SEC61A2: variants seen among roughly 807,000 people sequenced by gnomAD.
The protein encoded by SEC61A2 is protein transport protein Sec61 subunit alpha isoform 2.
In SEC61A2, 28 loss-of-function variants were observed where a neutral mutation model predicts 59.9. That is an observed-to-expected ratio of 0.47 (90% CI 0.35 to 0.64). The LOEUF (loss-of-function observed/expected upper bound fraction) is 0.64, where lower values mean the gene tolerates loss of function less well. Among genes scored for constraint, SEC61A2 ranks in the 30% least tolerant of loss-of-function variants. The probability of loss-of-function intolerance (pLI) is 0.01; values close to 1 mark genes in which losing one functional copy is unlikely to be tolerated. For missense variants in SEC61A2, 340 were observed against 585.9 expected (o/e 0.58, Z 4.33); for synonymous variants, 202 against 214.4 (o/e 0.94, Z 0.50).
rs912429712 is a variant in SEC61A2 at position 12,143,524 on chromosome 10, C to A, written c.220+329C>A. 1.3e-5 allele frequency among the ~76,000 whole-genome samples: 2 copies of A among 152,086 alleles called. No individual in the cohort carries two copies. Among genetic ancestry groups the A allele is most frequent in the Non-Finnish European group, 2.9e-5 (2 of 68,016 alleles). On this transcript the variant is annotated intron_variant, in intron 4 of 11. Transcript: ENST00000298428. The surrounding 1 kb of genome is among the most constrained non-coding windows in gnomAD (Gnocchi z 4.8). ...CCAAGGTGGGCAGATCACCTGAGGT[C>A]AGGAGTTTGAGACCAGCCTGGCCAA...
intron 3 of SEC61A2, among the ~76,000 whole-genome samples, chr10:12,141,636 A>G (rs1409659720): frequency 6.6e-6 from 1 of 152,224 alleles, no homozygotes; most frequent in Non-Finnish European, 1.5e-5. Flanking sequence ...TAGGATTTAA[A>G]AAGATATCTC....
Position 12,162,879 on chromosome 10 carries a change from C to A in SEC61A2, c.1244+590C>A, listed in dbSNP as rs1168739202. 6.6e-6 allele frequency among the ~76,000 whole-genome samples: 1 copy of A among 152,182 alleles called. No individual in the cohort carries two copies. Among genetic ancestry groups the A allele is most frequent in the East Asian group, 1.9e-4 (1 of 5,198 alleles). The stretch of plus-strand genomic sequence containing the variant: ...TCTGTACATTTCATATAAATGGAAT[C>A]ATATAATGTATGTTATTTTGTAAGT... On this transcript the variant is annotated intron_variant, in intron 11 of 11. Transcript: ENST00000298428. The surrounding 1 kb of genome is among the most constrained non-coding windows in gnomAD (Gnocchi z 6.1).
chr10:12,158,224 CTA>C lies in SEC61A2; in HGVS notation c.975+124_975+125del. ...TTGCTGTATTTTCAGATTCACTTACCTATATAGCAGAGTTTAGTACTTATCTG... is the reference window on the plus strand; with the variant it reads ...TTGCTGTATTTTCAGATTCACTTACCTATAGCAGAGTTTAGTACTTATCTG... On this transcript the variant is annotated intron_variant, in intron 9 of 11. Coordinates refer to ENST00000298428, the MANE Select transcript of SEC61A2 (RefSeq NM_018144.4). This position sits in a 1 kb window ranked among gnomAD's most constrained non-coding sequence, Gnocchi z 5.7. The C allele has an allele frequency of 5.0e-6, 4 of 805,574 alleles. No individual in the cohort carries two copies. Among genetic ancestry groups the C allele is most frequent in the Non-Finnish European group, 7.9e-6 (4 of 505,778 alleles). The allele number at this position is 805,574 out of a possible 1,614,324, so 49.9% of individuals were successfully genotyped here. A position where few individuals can be genotyped will look rare whatever the true frequency, so the allele number is the denominator to read the frequency against.
Position 12,142,563 on chromosome 10 carries a change from C to T in SEC61A2, c.142-554C>T. The T allele has an allele frequency of 1.0e-6, 1 of 963,210 alleles. No individual in the cohort carries two copies. The highest frequency in any genetic ancestry group is 1.2e-6 in the Non-Finnish European group (1 of 809,754). The allele number at this position is 963,210 out of a possible 1,614,324, so 59.7% of individuals were successfully genotyped here. Reference sequence around the variant, plus strand: ...TTTGCAAAATCATTCTACGACCAGGCAGGTATAATATTCCATAATCTACTG... The same window carrying T: ...TTTGCAAAATCATTCTACGACCAGGTAGGTATAATATTCCATAATCTACTG... On this transcript the variant is annotated intron_variant, in intron 3 of 11. Transcript: ENST00000298428. This position sits in a 1 kb window ranked among gnomAD's most constrained non-coding sequence, Gnocchi z 5.4.
Position 12,142,498 on chromosome 10 carries a change from A to G in SEC61A2, c.142-619A>G, listed in dbSNP as rs1834042585. 6 of 981,150 alleles carry G rather than the reference A, an allele frequency of 6.1e-6. No homozygotes were observed. The highest frequency in any genetic ancestry group is 6.1e-6 in the Non-Finnish European group (5 of 826,094). 60.8% of individuals were successfully genotyped at this position (981,150 alleles called of 1,614,324 possible). A position where few individuals can be genotyped will look rare whatever the true frequency, so the allele number is the denominator to read the frequency against. On this transcript the variant is annotated intron_variant, in intron 3 of 11. Transcript: ENST00000298428. The surrounding 1 kb of genome is among the most constrained non-coding windows in gnomAD (Gnocchi z 5.4). ...TTGTGGATATCATCTTCAGTCTTACATTGAGAAGAGTGACCTTGGCTGTCT... is the reference window on the plus strand; with the variant it reads ...TTGTGGATATCATCTTCAGTCTTACGTTGAGAAGAGTGACCTTGGCTGTCT...
In SEC61A2 at chr10:12,158,981, CTTT is replaced by C. The variant is rs1159151464; in HGVS notation, c.975+888_975+890del. Among the ~76,000 whole-genome samples the C allele has an allele frequency of 3.6e-5, 5 of 140,164 alleles. No individual in the cohort carries two copies. The highest frequency in any genetic ancestry group is 4.1e-4 in the East Asian group (2 of 4,856). 92.0% of individuals were successfully genotyped at this position (140,164 alleles called of 152,430 possible). ...ACATCCCCCATCATAATTTTTTTTT[CTTT>C]TTTTTTTTTTTGAGACGGAGTCTCG... On this transcript the variant is annotated intron_variant, in intron 9 of 11. Coordinates refer to ENST00000298428, the MANE Select transcript of SEC61A2 (RefSeq NM_018144.4). This position sits in a 1 kb window ranked among gnomAD's most constrained non-coding sequence, Gnocchi z 5.7.
rs766666050 is a variant in SEC61A2, at chr10:12,155,936, A to G, written c.616+5A>G. The G allele has an allele frequency of 1.9e-6, 3 of 1,614,074 alleles. No homozygotes were observed. The highest frequency in any genetic ancestry group is 1.6e-4 in the Middle Eastern group (1 of 6,080). Reference sequence around the variant, plus strand: ...CTACCATTAACACTGGCAGAGGTACATCGCACAGCGACTGCAACTGCACGC... The same window carrying G: ...CTACCATTAACACTGGCAGAGGTACGTCGCACAGCGACTGCAACTGCACGC... On this transcript the variant is annotated splice_donor_5th_base_variant and intron_variant, in intron 7 of 11. Coordinates refer to ENST00000298428, the MANE Select transcript of SEC61A2 (RefSeq NM_018144.4). This position sits in a 1 kb window ranked among gnomAD's most constrained non-coding sequence, Gnocchi z 4.3.
rs974506185 is a variant in SEC61A2, at chr10:12,149,049, G to T, written c.221-546G>T. 6.6e-6 allele frequency among the ~76,000 whole-genome samples: 1 copy of T among 151,984 alleles called. No individual in the cohort carries two copies. The highest frequency in any genetic ancestry group is 2.4e-5 in the African/African-American group (1 of 41,382). On this transcript the variant is annotated intron_variant, in intron 4 of 11. Coordinates refer to ENST00000298428, the MANE Select transcript of SEC61A2 (RefSeq NM_018144.4). This position sits in a 1 kb window ranked among gnomAD's most constrained non-coding sequence, Gnocchi z 5.2. ...CTTGATTCCATACCTTCCTTATACA[G>T]TTGGCATATTTGATTTTCTTATTTC...
In SEC61A2 at chr10:12,162,248, G is replaced by A; in HGVS notation, c.1203G>A (p.Met401Ile). Residue 401 changes from methionine (M) to isoleucine (I), a missense_variant, in exon 11 of 12, where the codon ATG becomes ATA. By Grantham distance (10) the Met-to-Ile change is conservative. Coordinates refer to ENST00000298428, the MANE Select transcript of SEC61A2 (RefSeq NM_018144.4). The surrounding 1 kb of genome is among the most constrained non-coding windows in gnomAD (Gnocchi z 6.1). ...AKQLKEQQMV[M>I]RGHRDTSMVH... is the part of the protein sequence containing the mutation. ...AGCTGAAAGAACAGCAGATGGTAATGAGGGGCCACCGAGATACCTCTATGG... is the reference window on the plus strand; with the variant it reads ...AGCTGAAAGAACAGCAGATGGTAATAAGGGGCCACCGAGATACCTCTATGG... 1 of 1,612,990 alleles carries A rather than the reference G, an allele frequency of 6.2e-7. No homozygotes were observed. The highest frequency in any genetic ancestry group is 1.3e-5 in the African/African-American group (1 of 74,660).
At chr10:12,132,800 A>G (rs970509164) in intron 1 of SEC61A2, among the ~76,000 whole-genome samples, 1 of 152,082 alleles carries the variant, frequency 6.6e-6, no homozygotes, top group Non-Finnish European at 1.5e-5. Flanking sequence ...TCTGTCATGC[A>G]TTGTCTCACG....
Position 12,156,413 on chromosome 10 carries a change from AACAGAT to A in SEC61A2, c.616+485_617-486del, listed in dbSNP as rs2131675951. ...TTTCCCCTTCCTCATCTCCACTTCT[AACAGAT>A]ACTGTCCTAAGTGGTTAATACCTAA... On this transcript the variant is annotated intron_variant, in intron 7 of 11. Coordinates refer to ENST00000298428, the MANE Select transcript of SEC61A2 (RefSeq NM_018144.4). This position sits in a 1 kb window ranked among gnomAD's most constrained non-coding sequence, Gnocchi z 5.2. Among the ~76,000 whole-genome samples the A allele has an allele frequency of 6.6e-6, 1 of 152,272 alleles. No homozygotes were observed. Among genetic ancestry groups the A allele is most frequent in the South Asian group, 2.1e-4 (1 of 4,816 alleles).
At chr10:12,134,495 T>C (rs1005451827) in intron 2 of SEC61A2, among the ~76,000 whole-genome samples, 1 of 152,216 alleles carries the variant, frequency 6.6e-6, no homozygotes, top group Non-Finnish European at 1.5e-5. Context: ...TTGGCTCCTT[T>C]TCAGTTTCAT....
intron 3 of SEC61A2, among the ~76,000 whole-genome samples, chr10:12,141,479 T>C (rs569801520): frequency 2.6e-5 from 4 of 152,324 alleles, no homozygotes; most frequent in African/African-American, 9.6e-5. Flanking sequence ...ATGGGTTATA[T>C]AATAGGAAGC....
chr10:12,142,512 C>T lies in SEC61A2; in HGVS notation c.142-605C>T. On this transcript the variant is annotated intron_variant, in intron 3 of 11. Transcript: ENST00000298428. The surrounding 1 kb of genome is among the most constrained non-coding windows in gnomAD (Gnocchi z 5.4). Reference sequence around the variant, plus strand: ...TTCAGTCTTACATTGAGAAGAGTGACCTTGGCTGTCTTTAGTATATAGAGC... The same window carrying T: ...TTCAGTCTTACATTGAGAAGAGTGATCTTGGCTGTCTTTAGTATATAGAGC... The T allele has an allele frequency of 1.0e-6, 1 of 983,288 alleles. No homozygotes were observed. Among genetic ancestry groups the T allele is most frequent in the Non-Finnish European group, 1.2e-6 (1 of 828,014 alleles). 60.9% of individuals were successfully genotyped at this position (983,288 alleles called of 1,614,324 possible).
intron 1 of SEC61A2, among the ~76,000 whole-genome samples, chr10:12,131,681 CCTTTTTTTTTT>C (rs1833740844): frequency 1.4e-5 from 1 of 70,748 alleles, no homozygotes; most frequent in African/African-American, 4.0e-5. Context: ...AGATTACATA[CCTTTTTTTTTT>C]TTTTTTTTTT....
Position 12,161,109 on chromosome 10 carries a change from C to T in SEC61A2, c.1155C>T (p.Ser385=). 2.5e-6 allele frequency: 4 copies of T among 1,607,612 alleles called. No individual in the cohort carries two copies. Among genetic ancestry groups the T allele is most frequent in the Non-Finnish European group, 3.4e-6 (4 of 1,177,140 alleles). The change falls in exon 10 of 12, where the codon TCC becomes TCT. Residue 385 remains serine (S), a synonymous_variant. Transcript: ENST00000298428. The surrounding 1 kb of genome is among the most constrained non-coding windows in gnomAD (Gnocchi z 5.4). ...FSKTWIEVSG[S]SAKDVAKQLK... is the part of the protein sequence containing the mutation. ...AGACATGGATTGAAGTGTCTGGTTC[C>T]TCAGCCAAAGATGTAAGTGTTTGGT...
In SEC61A2 at chr10:12,164,207, C is replaced by T; in HGVS notation, c.1245-61C>T. The T allele has an allele frequency of 1.3e-6, 2 of 1,587,148 alleles. No individual in the cohort carries two copies. Among genetic ancestry groups the T allele is most frequent in the East Asian group, 2.3e-5 (1 of 44,280 alleles). On this transcript the variant is annotated intron_variant, in intron 11 of 11. Coordinates refer to ENST00000298428, the MANE Select transcript of SEC61A2 (RefSeq NM_018144.4). This position sits in a 1 kb window ranked among gnomAD's most constrained non-coding sequence, Gnocchi z 7.3. ...CTGCTGCGCCTCGACCTGTCTTCGT[C>T]TCTAGCTGCCGTGCTGTTCCTGGTC...
In SEC61A2 at chr10:12,153,586, T is replaced by TG. The variant is rs1834329963; in HGVS notation, c.463-2191dup. 6.6e-6 allele frequency among the ~76,000 whole-genome samples: 1 copy of TG among 152,222 alleles called. No homozygotes were observed. Among genetic ancestry groups the TG allele is most frequent in the Non-Finnish European group, 1.5e-5 (1 of 68,038 alleles). Reference sequence around the variant, plus strand: ...ATCAGAAATACTTACAGTCCAAGAATGAAACAAGTGAAGTGGATGTACACT... The same window carrying TG: ...ATCAGAAATACTTACAGTCCAAGAATGGAAACAAGTGAAGTGGATGTACACT... On this transcript the variant is annotated intron_variant, in intron 6 of 11. Transcript: ENST00000298428. The surrounding 1 kb of genome is among the most constrained non-coding windows in gnomAD (Gnocchi z 5.2).
downstream of SEC61A2, chr10:12,166,382 A>G (rs887260886): frequency 6.3e-6 from 1 of 158,748 alleles, no homozygotes; most frequent in Non-Finnish European, 1.4e-5. Context: ...GAAGGCTACC[A>G]TTACAGGAAG....
Sources: allele counts gnomAD v4.1 joint callset (sites outside exome capture counted in the v4.1 genomes callset), GRCh38; gene constraint gnomAD v4.1.1; non-coding constraint Gnocchi (gnomAD v3.1); transcripts MANE v1.5; gene names NCBI Gene and HGNC (gene_info 2026-07-23, HGNC 2026-07-21).